The following CBLB variants were observed in gnomAD, a reference collection of about 807,000 sequenced individuals.
The protein encoded by CBLB is Cbl proto-oncogene B.
A neutral mutation model predicts 104.9 loss-of-function variants in CBLB; 31 were observed. The observed-to-expected ratio is 0.30, with a 90% confidence interval of 0.22 to 0.40. The LOEUF (loss-of-function observed/expected upper bound fraction) is 0.40, where lower values mean the gene tolerates loss of function less well. CBLB is among the 10% of genes least tolerant of loss of function. CBLB has a pLI of 1.00. For synonymous variants in CBLB, 440 were observed against 422.6 expected (o/e 1.04, Z -0.51); for missense variants, 1,062 against 1,214.6 (o/e 0.87, Z 1.87).
chr3:105,806,774 G>A (rs760030466), intron 3 of CBLB, among the ~76,000 whole-genome samples: 32 of 152,144 alleles, frequency 2.1e-4, no homozygotes, highest in Admixed American at 5.2e-4. Flanking sequence ...AAAAATATCC[G>A]AAAACTGTTA....
rs16851542 is a variant in CBLB at position 105,737,396 on chromosome 3, T to C, written c.984-138A>G. The C allele has an allele frequency of 7.0e-3, 3,474 of 498,666 alleles. 92 individuals are homozygous for C. Among genetic ancestry groups the C allele is most frequent in the African/African-American group, 0.06 (3,125 of 51,712 alleles). The allele number at this position is 498,666 out of a possible 1,614,324, so 30.9% of individuals were successfully genotyped here. On this transcript the variant is annotated intron_variant, in intron 7 of 18. Coordinates refer to ENST00000394030, the MANE Select transcript of CBLB (RefSeq NM_170662.5). Reference sequence around the variant, plus strand: ...TGTAACATATCAATAACATATTACTTCAATGTTTCCAAATTACTATGTTGT... The same window carrying C: ...TGTAACATATCAATAACATATTACTCCAATGTTTCCAAATTACTATGTTGT...
Position 105,776,386 on chromosome 3 carries a change from T to C in CBLB, c.566+10A>G. ...ATAGATCCACAGCTATAAAAATGAT[T>C]TTTACTTACTTGTCTCCAAAAAACT... On this transcript the variant is annotated intron_variant, in intron 4 of 18. Coordinates refer to ENST00000394030, the MANE Select transcript of CBLB (RefSeq NM_170662.5). 6.2e-7 allele frequency: 1 copy of C among 1,612,502 alleles called. No individual in the cohort carries two copies. The highest frequency in any genetic ancestry group is 8.5e-7 in the Non-Finnish European group (1 of 1,179,092).
chr3:105,683,034 C>CTGT (rs67531388), intron 14 of CBLB, among the ~76,000 whole-genome samples: 5 of 152,206 alleles, frequency 3.3e-5, no homozygotes, highest in Non-Finnish European at 7.3e-5. Flanking sequence ...ATGGAAGAGA[C>CTGT]GGATATTTGA....
chr3:105,864,304 T>C (rs375543662), intron 2 of CBLB, among the ~76,000 whole-genome samples: 24 of 152,338 alleles, frequency 1.6e-4, no homozygotes, highest in Middle Eastern at 3.4e-3. Flanking sequence ...TCTAGCTTCA[T>C]ATCCCCAGTA....
intron 9 of CBLB, among the ~76,000 whole-genome samples, chr3:105,723,119 A>G (rs536461120): frequency 1.3e-5 from 2 of 152,176 alleles, no homozygotes; most frequent in African/African-American, 4.8e-5. Flanking sequence ...TAAATGGACT[A>G]CTGTCACATG....
chr3:105,798,851 T>TTATATG (rs2082523878), intron 3 of CBLB, among the ~76,000 whole-genome samples: 1 of 152,184 alleles, frequency 6.6e-6, no homozygotes, highest in South Asian at 2.1e-4. Context: ...ACTGCCTGCC[T>TTATATG]TATATGTGTG....
chr3:105,771,352 T>A (rs1263277451), intron 4 of CBLB, among the ~76,000 whole-genome samples: 2 of 152,036 alleles, frequency 1.3e-5, no homozygotes, highest in African/African-American at 4.8e-5. Flanking sequence ...TTATAATCCC[T>A]CAACAAAATA....
intron 3 of CBLB, among the ~76,000 whole-genome samples, chr3:105,788,578 G>A (rs2081290402): frequency 6.6e-6 from 1 of 152,344 alleles, no homozygotes; most frequent in South Asian, 2.1e-4. Flanking sequence ...TTAGTAACTA[G>A]ATGACCTCGG....
At chr3:105,856,965 G>A (rs1177733451) in intron 2 of CBLB, among the ~76,000 whole-genome samples, 1 of 152,060 alleles carries the variant, frequency 6.6e-6, no homozygotes, top group Non-Finnish European at 1.5e-5. Flanking sequence ...ACTATCACAA[G>A]TATACATAAA....
intron 12 of CBLB, among the ~76,000 whole-genome samples, chr3:105,697,891 G>A (rs1046355020): frequency 6.6e-6 from 1 of 152,002 alleles, no homozygotes; most frequent in East Asian, 1.9e-4. Context: ...TAGATACATT[G>A]CAAGTTTTTA....
At chr3:105,838,781 A>G (rs1043535767) in intron 3 of CBLB, among the ~76,000 whole-genome samples, 10 of 151,166 alleles carry the variant, frequency 6.6e-5, no homozygotes, top group Non-Finnish European at 1.5e-4. Context: ...TCCTGATTAC[A>G]GGCGCATGCC....
intron 3 of CBLB, among the ~76,000 whole-genome samples, chr3:105,820,236 G>A (rs182197035): frequency 2.0e-5 from 3 of 152,216 alleles, no homozygotes; most frequent in South Asian, 2.1e-4. Context: ...GACAGGAGGC[G>A]GAGCCCAGGT....
Position 105,658,117 on chromosome 3 carries a change from G to T in CBLB, c.*853C>A. ...TGTTATATAACTTCAGTACAGCATT[G>T]TCTTATACAAGTGTTCTCTCTTCCA... is the stretch of plus-strand genomic sequence containing the variant. On this transcript the variant is annotated 3_prime_UTR_variant, in exon 19 of 19. Transcript: ENST00000394030. 1 of 217,158 alleles carries T rather than the reference G, an allele frequency of 4.6e-6. No individual in the cohort carries two copies. The highest frequency in any genetic ancestry group is 9.3e-6 in the Non-Finnish European group (1 of 107,846). 13.5% of individuals were successfully genotyped at this position (217,158 alleles called of 1,614,324 possible).
chr3:105,715,700 A>G (rs992285101), intron 10 of CBLB, among the ~76,000 whole-genome samples: 1 of 152,238 alleles, frequency 6.6e-6, no homozygotes, highest in Non-Finnish European at 1.5e-5. Flanking sequence ...AATCACTGGC[A>G]GTCACTCTTT....
At chr3:105,782,578 CTTTTTTT>C (rs11333516) in intron 3 of CBLB, among the ~76,000 whole-genome samples, 297 of 137,472 alleles carry the variant, frequency 2.2e-3, no homozygotes, top group South Asian at 4.9e-3. Flanking sequence ...CTTTTCTTTT[CTTTTTTT>C]TTTTTTTTTT....
chr3:105,849,468 C>T (rs767481812), intron 3 of CBLB, among the ~76,000 whole-genome samples: 4 of 152,078 alleles, frequency 2.6e-5, no homozygotes, highest in East Asian at 1.9e-4. Flanking sequence ...GAATGAGTGA[C>T]CTCATTGTGA....
intron 9 of CBLB, 58 bp from the exon 10 acceptor site, chr3:105,720,308 T>C: frequency 6.9e-7 from 1 of 1,451,734 alleles, no homozygotes. Context: ...TACCGAGAAA[T>C]GCTAATAATG....
At chr3:105,761,972 A>C (rs1446779015) in intron 4 of CBLB, 3 of 152,278 alleles carry the variant, frequency 2.0e-5, no homozygotes, top group African/African-American at 7.2e-5. Context: ...GAACTGAAGT[A>C]AAGGTGACTC....
chr3:105,672,465 T>C (rs2065174299), intron 17 of CBLB: 1 of 171,788 alleles, frequency 5.8e-6, no homozygotes, highest in African/African-American at 2.4e-5. Flanking sequence ...CATTCAGGCT[T>C]TAAAGGGAAA....
Sources: gnomAD v4.1 joint callset for allele counts (sites outside exome capture counted in the v4.1 genomes callset) on GRCh38, gnomAD v4.1.1 for gene constraint, MANE v1.5 for transcripts, NCBI Gene and HGNC (gene_info 2026-07-23, HGNC 2026-07-21) for gene names.